The following CCDC3 variants were observed in gnomAD, a reference collection of about 807,000 sequenced individuals.
CCDC3 encodes coiled-coil domain containing 3, also known as coiled-coil domain-containing protein 3.
CCDC3 carries 24 observed loss-of-function variants against 21.4 expected under a neutral mutation model. The observed-to-expected ratio is 1.12, with a 90% CI of 0.81 to 1.58. CCDC3 has a LOEUF of 1.58. Among genes scored for constraint, CCDC3 ranks in the 40% most tolerant of loss-of-function variants. The probability of loss-of-function intolerance (pLI) is 0.00; values close to 1 mark genes in which losing one functional copy is unlikely to be tolerated. For synonymous variants in CCDC3, 186 were observed against 166.0 expected, an observed-to-expected ratio of 1.12 and a Z score of -0.93; for missense variants, 425 against 360.9, an observed-to-expected ratio of 1.18 and a Z score of -1.44.
rs76096566 is a variant in CCDC3, at chr10:12,972,168, G to A, written c.549+26170C>T. On this transcript the variant is annotated intron_variant, in intron 2 of 2. Transcript: ENST00000378825. ...CCATACACAATCCAACCAAGCTCAC[G>A]CACCCACACATGCCCTTAAACTCAA... Among the ~76,000 whole-genome samples the A allele has an allele frequency of 4.6e-3, 701 of 152,012 alleles. 1 individual carries two copies. The highest frequency in any genetic ancestry group is 7.9e-3 in the South Asian group (38 of 4,786).
intron 2 of CCDC3, among the ~76,000 whole-genome samples, chr10:12,966,383 GT>G (rs1456936892): frequency 1.3e-5 from 2 of 152,098 alleles, no homozygotes; most frequent in African/African-American, 4.8e-5. Flanking sequence ...CAGCCTGCTA[GT>G]TTTTGTGTAA....
chr10:12,951,017 T>C (rs1834999503), intron 2 of CCDC3, among the ~76,000 whole-genome samples: 1 of 152,166 alleles, frequency 6.6e-6, no homozygotes, highest in South Asian at 2.1e-4. Context: ...CTCTGCACAG[T>C]AGCTTGGGTT....
At chr10:12,929,951 C>T (rs140039241) in intron 2 of CCDC3, among the ~76,000 whole-genome samples, 2,151 of 152,180 alleles carry the variant, frequency 0.014, 21 homozygotes, top group Non-Finnish European at 0.022. Context: ...AGAGCTAGAA[C>T]TAGAAAAAAA....
At chr10:13,037,191 C>T (rs896403368) in intron 5 of CCDC3, among the ~76,000 whole-genome samples, 2 of 152,110 alleles carry the variant, frequency 1.3e-5, no homozygotes, top group Non-Finnish European at 2.9e-5. Flanking sequence ...TCTAAAATAG[C>T]GTACAAGCCC....
At chr10:12,928,342 G>A (rs78144073) in intron 2 of CCDC3, among the ~76,000 whole-genome samples, 8,017 of 152,250 alleles carry the variant, frequency 0.053, 232 homozygotes, top group Non-Finnish European at 0.071. Context: ...AATAAAAAAT[G>A]CAACAAAAGG....
intron 5 of CCDC3, among the ~76,000 whole-genome samples, chr10:13,032,085 A>G (rs1269654899): frequency 6.6e-6 from 1 of 152,182 alleles, no homozygotes; most frequent in African/African-American, 2.4e-5. Context: ...TGACGCGAAA[A>G]TCCTCAATAA....
In CCDC3 at chr10:13,087,339, G is replaced by T. The variant is rs570065164; in HGVS notation, c.-503+11186C>A. On this transcript the variant is annotated intron_variant, in intron 3 of 6. Transcript: ENST00000378839. ...GAATTGCTTGAACCCAGGAGGTAGAGGTTGCGGTGAGCTGAGATTGCGCCA... is the reference window on the plus strand; with the variant it reads ...GAATTGCTTGAACCCAGGAGGTAGATGTTGCGGTGAGCTGAGATTGCGCCA... Among the ~76,000 whole-genome samples the T allele has an allele frequency of 2.6e-5, 4 of 151,908 alleles. No homozygotes were observed. In the South Asian group the frequency reaches 8.3e-4, roughly 32 times the overall value.
At chr10:12,982,805 A>C (rs867086325) in intron 2 of CCDC3, among the ~76,000 whole-genome samples, 4,800 of 148,860 alleles carry the variant, frequency 0.032, 384 homozygotes, top group African/African-American at 0.11. Flanking sequence ...AAAAAAAAAA[A>C]AAAAAAAAAA....
intron 5 of CCDC3, among the ~76,000 whole-genome samples, chr10:13,034,488 T>C (rs1836350684): frequency 7.0e-6 from 1 of 143,396 alleles, no homozygotes; most frequent in African/African-American, 2.6e-5. Flanking sequence ...ACTTAAAGTA[T>C]AATTTTAAAA....
intron 5 of CCDC3, among the ~76,000 whole-genome samples, chr10:13,014,459 AAAAAAAAAAAAG>A (rs201501727): frequency 0.075 from 4,378 of 58,742 alleles, 161 homozygotes; most frequent in Admixed American, 0.24. Context: ...CAAAAAAAAG[AAAAAAAAAAAAG>A]AAAAAAAAAA....
intron 3 of CCDC3, among the ~76,000 whole-genome samples, chr10:13,095,306 T>C (rs2131457766): frequency 6.6e-6 from 1 of 152,264 alleles, no homozygotes; most frequent in East Asian, 1.9e-4. Context: ...ATAGGGCAGA[T>C]GATTCATGCA....
In CCDC3 at chr10:12,901,262, T is replaced by C. The variant is rs147173418; in HGVS notation, c.550-2583A>G. On this transcript the variant is annotated intron_variant, in intron 2 of 2. Transcript: ENST00000378825. ...AAAACACCACCTATACCTCTTACAT[T>C]ATTTTTTCTTTTCTTTTCTTTTTTT... Among the ~76,000 whole-genome samples the C allele has an allele frequency of 1.7e-3, 264 of 152,174 alleles. 1 individual carries two copies. The highest frequency in any genetic ancestry group is 6.0e-3 in the African/African-American group (248 of 41,526).
chr10:13,008,030 A>G (rs1337370647), intron 5 of CCDC3, among the ~76,000 whole-genome samples: 1 of 152,122 alleles, frequency 6.6e-6, no homozygotes, highest in Non-Finnish European at 1.5e-5. Flanking sequence ...AGGATATGAG[A>G]GCCCAAGAAG....
intron 2 of CCDC3, among the ~76,000 whole-genome samples, chr10:12,925,519 C>T (rs1371461946): frequency 6.6e-6 from 1 of 152,238 alleles, no homozygotes; most frequent in Non-Finnish European, 1.5e-5. Flanking sequence ...GCCCCTGTGG[C>T]GAGACACTCT....
Position 13,001,237 on chromosome 10 carries a change from G to T in CCDC3, c.334C>A (p.His112Asn). The change falls in exon 1 of 3, where the codon CAC (histidine) becomes AAC (asparagine). Residue 112 changes from histidine (H) to asparagine (N), a missense_variant. Coordinates refer to ENST00000378825, the MANE Select transcript of CCDC3 (RefSeq NM_031455.4). ...TGLGYFSCHS[H>N]TVVQDYSYFF... is the part of the protein sequence containing the mutation. ...TAGGAGTAGTCCTGGACCACGGTGT[G>T]GGAGTGGCACGAGAAGTAGCCCAGG... is the stretch of plus-strand genomic sequence containing the variant. 6.3e-7 allele frequency: 1 copy of T among 1,581,120 alleles called. No homozygotes were observed.
intron 2 of CCDC3, among the ~76,000 whole-genome samples, chr10:12,981,874 C>T (rs1336947547): frequency 6.6e-6 from 1 of 151,898 alleles, no homozygotes; most frequent in African/African-American, 2.4e-5. Flanking sequence ...CCTGTAATCC[C>T]AGCACTTTGG....
chr10:12,929,439 G>C (rs931727607), intron 2 of CCDC3, among the ~76,000 whole-genome samples: 1 of 152,146 alleles, frequency 6.6e-6, no homozygotes, highest in Non-Finnish European at 1.5e-5. Flanking sequence ...GAAGCAGCTT[G>C]TGAGCACTTA....
At chr10:12,929,451 C>T (rs538773557) in intron 2 of CCDC3, among the ~76,000 whole-genome samples, 31 of 152,244 alleles carry the variant, frequency 2.0e-4, no homozygotes, top group Non-Finnish European at 1.2e-4. Flanking sequence ...GAGCACTTAG[C>T]GAGATGGCTA....
chr10:13,074,578 C>G (rs1423789331), intron 3 of CCDC3, among the ~76,000 whole-genome samples: 1 of 151,746 alleles, frequency 6.6e-6, no homozygotes, highest in Non-Finnish European at 1.5e-5. Flanking sequence ...CTCCCCCTCC[C>G]CCTCTCCCAC....
Sources: gnomAD v4.1 joint callset for allele counts (sites outside exome capture counted in the v4.1 genomes callset) on GRCh38, gnomAD v4.1.1 for gene constraint, MANE v1.5 for transcripts, NCBI Gene and HGNC (gene_info 2026-07-23, HGNC 2026-07-21) for gene names.